WDR70: variants seen among roughly 807,000 people sequenced by gnomAD.
WDR70 encodes the protein WD repeat domain 70.
Under a neutral mutation model 88.6 loss-of-function variants are expected in WDR70, and 53 were observed. The ratio of observed to expected loss-of-function variants is 0.60; its 90% CI spans 0.48 to 0.75. The LOEUF is 0.75. Ranked by LOEUF, WDR70 falls within the 30% of genes least tolerant of loss-of-function variation. The pLI is 0.00. For missense variants in WDR70, 610 were observed against 823.2 expected, an observed-to-expected ratio of 0.74 and a Z score of 3.17; for synonymous variants, 280 against 270.0, an observed-to-expected ratio of 1.04 and a Z score of -0.36.
In WDR70 at chr5:37,632,100, G is replaced by A. The variant is rs1744834235; in HGVS notation, c.1092+26862G>A. On this transcript the variant is annotated intron_variant, in intron 10 of 17. Transcript: ENST00000265107. ...TGTGTATGCGGTGGTGCTCCCATAA[G>A]ATTAGTATGTAGCTGAAAAATTTAT... is the stretch of plus-strand genomic sequence containing the variant. Among the ~76,000 whole-genome samples, 3 of 152,282 alleles carry A rather than the reference G, an allele frequency of 2.0e-5. 1 individual carries two copies. In the South Asian group the frequency reaches 6.2e-4, roughly 32 times the overall value.
At chr5:37,536,229 T>C (rs1173965561) in intron 9 of WDR70, among the ~76,000 whole-genome samples, 1 of 152,208 alleles carries the variant, frequency 6.6e-6, no homozygotes, top group Non-Finnish European at 1.5e-5. Flanking sequence ...GATATATGTA[T>C]ATTCCTTCTT....
At chr5:37,602,379 C>T (rs2112470704) in intron 9 of WDR70, among the ~76,000 whole-genome samples, 1 of 152,008 alleles carries the variant, frequency 6.6e-6, no homozygotes, top group South Asian at 2.1e-4. Context: ...GAGGCCAAGG[C>T]AGGCAGATCG....
chr5:37,691,954 A>G (rs989265051), intron 10 of WDR70, among the ~76,000 whole-genome samples: 4 of 152,164 alleles, frequency 2.6e-5, no homozygotes, highest in African/African-American at 9.7e-5. Flanking sequence ...TTGATAGACC[A>G]CTAGCAAGAC....
At chr5:37,642,375 A>G (rs1449142881) in intron 10 of WDR70, among the ~76,000 whole-genome samples, 2 of 152,156 alleles carry the variant, frequency 1.3e-5, no homozygotes, top group Non-Finnish European at 2.9e-5. Flanking sequence ...AAGAATATTT[A>G]TATTTGACAT....
At chr5:37,676,099 T>G (rs950837275) in intron 10 of WDR70, among the ~76,000 whole-genome samples, 1 of 144,828 alleles carries the variant, frequency 6.9e-6, no homozygotes, top group Non-Finnish European at 1.5e-5. Flanking sequence ...CCTGAGACTT[T>G]GCTGAAGTTG....
At chr5:37,418,256 A>C (rs1474425948) in intron 5 of WDR70, among the ~76,000 whole-genome samples, 3 of 152,140 alleles carry the variant, frequency 2.0e-5, no homozygotes, top group East Asian at 3.8e-4. Context: ...TTGACCTAAA[A>C]ATTTTAATTT....
intron 6 of WDR70, among the ~76,000 whole-genome samples, chr5:37,439,809 C>T (rs762685569): frequency 4.0e-5 from 6 of 151,862 alleles, no homozygotes; most frequent in African/African-American, 9.7e-5. Flanking sequence ...TTAGTCCCCC[C>T]GTCCCCACCT....
Position 37,456,960 on chromosome 5 carries a change from G to A in WDR70, c.686+13588G>A, listed in dbSNP as rs543838648. Among the ~76,000 whole-genome samples, 158 of 152,236 alleles carry A rather than the reference G, an allele frequency of 1.0e-3. 2 individuals carry two copies. Among genetic ancestry groups the A allele is most frequent in the Middle Eastern group, 0.01 (3 of 294 alleles). ...ATATTCAGCTTCATTAATAAAGAAG[G>A]AAAAATTAAAGTGCCAGTGAGGTAC... On this transcript the variant is annotated intron_variant, in intron 7 of 17. Coordinates refer to ENST00000265107, the MANE Select transcript of WDR70 (RefSeq NM_018034.4).
In WDR70 at chr5:37,405,835, C is replaced by T. The variant is rs865837658; in HGVS notation, c.492+9265C>T. 3.9e-5 allele frequency among the ~76,000 whole-genome samples: 6 copies of T among 152,036 alleles called. No individual in the cohort carries two copies. The East Asian group carries it at 5.8e-4, about 15-fold the overall frequency. On this transcript the variant is annotated intron_variant, in intron 5 of 17. Transcript: ENST00000265107. ...TTCATGCAAGAGGATCACTTGAGCC[C>T]GGGAGTTCGAGACCATCCTTGCCAA...
intron 13 of WDR70, among the ~76,000 whole-genome samples, chr5:37,714,551 A>G (rs971412612): frequency 6.6e-6 from 1 of 152,058 alleles, no homozygotes; most frequent in Non-Finnish European, 1.5e-5. Context: ...GGCTCCTCTT[A>G]GGCATGAGGG....
chr5:37,422,374 C>T (rs1222403104), intron 5 of WDR70, among the ~76,000 whole-genome samples: 2 of 149,212 alleles, frequency 1.3e-5, no homozygotes, highest in Non-Finnish European at 3.0e-5. Flanking sequence ...CTTATGCAAT[C>T]TCCACTTCCC....
At chr5:37,544,737 G>C (rs960771577) in intron 9 of WDR70, among the ~76,000 whole-genome samples, 2 of 152,084 alleles carry the variant, frequency 1.3e-5, no homozygotes, top group African/African-American at 4.8e-5. Context: ...TATAGTTGGC[G>C]TTCATATTTA....
intron 9 of WDR70, among the ~76,000 whole-genome samples, chr5:37,557,960 A>AAAAG (rs1561900824): frequency 5.6e-5 from 1 of 17,816 alleles, no homozygotes; most frequent in Non-Finnish European, 1.2e-4. Flanking sequence ...AAAGAGTATT[A>AAAAG]TGTATATTTA....
At chr5:37,540,716 ATTGAC>A (rs1187162086) in intron 9 of WDR70, among the ~76,000 whole-genome samples, 10 of 152,180 alleles carry the variant, frequency 6.6e-5, no homozygotes, top group Admixed American at 4.6e-4. Context: ...AGTAGTTAGA[ATTGAC>A]TTATTTCCCA....
At chr5:37,675,373 C>T (rs1054108465) in intron 10 of WDR70, among the ~76,000 whole-genome samples, 3 of 152,066 alleles carry the variant, frequency 2.0e-5, no homozygotes, top group Non-Finnish European at 2.9e-5. Flanking sequence ...TTAGGTCTAA[C>T]GTTTAAGTCT....
At chr5:37,414,643 GACAGAT>G (rs1478289351) in intron 5 of WDR70, among the ~76,000 whole-genome samples, 1 of 142,088 alleles carries the variant, frequency 7.0e-6, no homozygotes, top group Non-Finnish European at 1.5e-5. Flanking sequence ...TCAGTGGCTT[GACAGAT>G]ACCTAGCACA....
chr5:37,530,555 T>A (rs2112303592), intron 9 of WDR70, among the ~76,000 whole-genome samples: 1 of 152,172 alleles, frequency 6.6e-6, no homozygotes, highest in Middle Eastern at 3.4e-3. Context: ...TGGAGGAATT[T>A]ATCCATCGCC....
intron 9 of WDR70, among the ~76,000 whole-genome samples, chr5:37,552,399 C>T (rs1169461984): frequency 1.3e-5 from 2 of 152,150 alleles, no homozygotes; most frequent in African/African-American, 4.8e-5. Context: ...AAGACTTAGA[C>T]TACATTAATT....
chr5:37,702,380 C>T (rs1351003148), intron 12 of WDR70, among the ~76,000 whole-genome samples: 1 of 152,124 alleles, frequency 6.6e-6, no homozygotes, highest in Non-Finnish European at 1.5e-5. Flanking sequence ...AATCAGATGG[C>T]CAGACTGCTA....
Sources: allele counts gnomAD v4.1 joint callset (sites outside exome capture counted in the v4.1 genomes callset), GRCh38; gene constraint gnomAD v4.1.1; transcripts MANE v1.5; gene names NCBI Gene and HGNC (gene_info 2026-07-23, HGNC 2026-07-21).